The following TNR variants were observed in gnomAD, a reference collection of about 807,000 sequenced individuals.
The protein encoded by TNR is tenascin R.
TNR carries 45 observed loss-of-function variants against 150.4 expected under a neutral mutation model. That is an observed-to-expected ratio of 0.30 (90% CI 0.24 to 0.38). TNR has a LOEUF of 0.38. Ranked by LOEUF, TNR falls within the 10% of genes least tolerant of loss-of-function variation. The probability of loss-of-function intolerance (pLI) is 1.00; values close to 1 mark genes in which losing one functional copy is unlikely to be tolerated. For synonymous variants in TNR, 687 were observed against 678.4 expected (o/e 1.01, Z -0.20); for missense variants, 1,544 against 1,759.1 (o/e 0.88, Z 2.19).
intron 2 of TNR, among the ~76,000 whole-genome samples, chr1:175,486,218 G>A (rs1195396973): frequency 6.6e-6 from 1 of 151,660 alleles, no homozygotes; most frequent in African/African-American, 2.4e-5. Context: ...GTGGTTTGCT[G>A]CACCCATCAA....
intron 13 of TNR, 57 bp downstream of exon 13, chr1:175,363,651 C>T (rs1421114500): frequency 6.3e-7 from 1 of 1,577,986 alleles, no homozygotes; most frequent in Non-Finnish European, 8.6e-7. Flanking sequence ...TATGCTAGTT[C>T]TCCCATAATC....
intron 1 of TNR, among the ~76,000 whole-genome samples, chr1:175,717,220 A>C (rs977477139): frequency 1.3e-4 from 20 of 152,156 alleles, no homozygotes; most frequent in Admixed American, 1.0e-3. Flanking sequence ...GTTTTTTAAA[A>C]TCTCGGTTTC....
intron 18 of TNR, among the ~76,000 whole-genome samples, chr1:175,347,727 G>GT (rs538915620): frequency 4.1e-4 from 61 of 149,000 alleles, no homozygotes; most frequent in Non-Finnish European, 5.7e-4. Context: ...GGCCTAAATA[G>GT]TTTTTTTTTT....
intron 2 of TNR, among the ~76,000 whole-genome samples, chr1:175,499,274 G>A (rs73046452): frequency 0.057 from 8,730 of 152,214 alleles, 518 homozygotes; most frequent in African/African-American, 0.15. Flanking sequence ...TGCCTCGTGA[G>A]TAATAATAAT....
At chr1:175,450,572 C>T (rs1365929570) in intron 2 of TNR, among the ~76,000 whole-genome samples, 2 of 152,192 alleles carry the variant, frequency 1.3e-5, no homozygotes, top group African/African-American at 2.4e-5. Flanking sequence ...ACCCTGTTTA[C>T]TTGTTTTACT....
Position 175,343,975 on chromosome 1 carries a change from CA to C in TNR, c.3383-6297del, listed in dbSNP as rs563837591. Among the ~76,000 whole-genome samples, 35 of 152,206 alleles carry C rather than the reference CA, an allele frequency of 2.3e-4. 1 individual carries two copies. The highest frequency in any genetic ancestry group is 7.7e-4 in the African/African-American group (32 of 41,510). On this transcript the variant is annotated intron_variant, in intron 18 of 22. Coordinates refer to ENST00000367674, the MANE Select transcript of TNR (RefSeq NM_003285.3). ...CAACGAATTGGACAAAATGCACAAA[CA>C]AAGTAACACAGGAATGAAACGCAGG... is the stretch of plus-strand genomic sequence containing the variant.
At chr1:175,710,879 C>A (rs371231799) in intron 1 of TNR, among the ~76,000 whole-genome samples, 3 of 152,126 alleles carry the variant, frequency 2.0e-5, no homozygotes, top group Non-Finnish European at 4.4e-5. Flanking sequence ...AATTAGTTCA[C>A]CCGGATGCAG....
Position 175,406,088 on chromosome 1 carries a change from G to C in TNR, c.499+128C>G, listed in dbSNP as rs1198412067. The C allele has an allele frequency of 2.7e-5, 35 of 1,278,248 alleles. No individual in the cohort carries two copies. The East Asian group carries it at 7.9e-4, about 29-fold the overall frequency. 79.2% of individuals were successfully genotyped at this position (1,278,248 alleles called of 1,614,324 possible). A position where few individuals can be genotyped will look rare whatever the true frequency, so the allele number is the denominator to read the frequency against. On this transcript the variant is annotated intron_variant, in intron 3 of 22. Coordinates refer to ENST00000367674, the MANE Select transcript of TNR (RefSeq NM_003285.3). ...CACTTTTTTCCTTTGACCGTGTGAA[G>C]AGATGCCGGGGTTTTGCTGGGAGTG...
intron 2 of TNR, among the ~76,000 whole-genome samples, chr1:175,514,151 G>A (rs1353946257): frequency 6.6e-6 from 1 of 152,162 alleles, no homozygotes; most frequent in East Asian, 1.9e-4. Flanking sequence ...CTTAAAATAG[G>A]GAGATTAACC....
At chr1:175,449,080 G>A (rs1656192595) in intron 2 of TNR, among the ~76,000 whole-genome samples, 1 of 152,116 alleles carries the variant, frequency 6.6e-6, no homozygotes, top group Non-Finnish European at 1.5e-5. Context: ...TAGATTATGG[G>A]AGGTTCTGCA....
intron 9 of TNR, 66 bp downstream of exon 9, chr1:175,379,486 G>T: frequency 6.9e-7 from 1 of 1,450,708 alleles, no homozygotes. Context: ...TGTGTAGGTT[G>T]GGGAGACAGC....
chr1:175,702,460 C>A (rs1666724056), intron 1 of TNR, among the ~76,000 whole-genome samples: 1 of 152,232 alleles, frequency 6.6e-6, no homozygotes, highest in Non-Finnish European at 1.5e-5. Flanking sequence ...GGAAGAAAGG[C>A]ATCCTTGGCA....
At chr1:175,655,833 C>T (rs1270705292) in intron 1 of TNR, among the ~76,000 whole-genome samples, 1 of 152,126 alleles carries the variant, frequency 6.6e-6, no homozygotes, top group African/African-American at 2.4e-5. Flanking sequence ...GTTTGTCACC[C>T]TTTGGTTCTG....
At chr1:175,505,558 C>T (rs1658928418) in intron 2 of TNR, among the ~76,000 whole-genome samples, 1 of 152,220 alleles carries the variant, frequency 6.6e-6, no homozygotes, top group South Asian at 2.1e-4. Context: ...CAAGACATTA[C>T]CCACGCCCGA....
chr1:175,676,107 T>C (rs963451971), intron 1 of TNR, among the ~76,000 whole-genome samples: 12 of 152,152 alleles, frequency 7.9e-5, no homozygotes, highest in Admixed American at 6.5e-4. Flanking sequence ...GCTTTACAAA[T>C]GTACAGCTTT....
intron 7 of TNR, among the ~76,000 whole-genome samples, chr1:175,389,785 T>C (rs923362733): frequency 5.9e-5 from 9 of 152,202 alleles, no homozygotes; most frequent in African/African-American, 1.9e-4. Flanking sequence ...GAATGTCAAC[T>C]CTTCAGGTTA....
intron 1 of TNR, among the ~76,000 whole-genome samples, chr1:175,613,856 G>A (rs1197225282): frequency 6.6e-6 from 1 of 152,160 alleles, no homozygotes; most frequent in African/African-American, 2.4e-5. Flanking sequence ...TGCCGTCTGT[G>A]CTCAAGGAGT....
chr1:175,414,384 CT>C (rs780415479), intron 2 of TNR, among the ~76,000 whole-genome samples: 4 of 152,012 alleles, frequency 2.6e-5, no homozygotes, highest in Non-Finnish European at 5.9e-5. Context: ...AAATATAAAC[CT>C]GAGGGATGGA....
At chr1:175,389,193 C>A (rs1018801210) in intron 7 of TNR, among the ~76,000 whole-genome samples, 13 of 152,172 alleles carry the variant, frequency 8.5e-5, no homozygotes, top group African/African-American at 3.1e-4. Context: ...AATGAAAGAG[C>A]CTCAGAAACA....
Sources: gnomAD v4.1 joint callset for allele counts (sites outside exome capture counted in the v4.1 genomes callset) on GRCh38, gnomAD v4.1.1 for gene constraint, MANE v1.5 for transcripts, NCBI Gene and HGNC (gene_info 2026-07-23, HGNC 2026-07-21) for gene names.